ADAMTS9: variants seen among roughly 807,000 people sequenced by gnomAD.
ADAMTS9 encodes the protein ADAM metallopeptidase with thrombospondin type 1 motif 9.
Under a neutral mutation model 257.1 loss-of-function variants are expected in ADAMTS9, and 107 were observed. The ratio of observed to expected loss-of-function variants is 0.42; its 90% CI spans 0.36 to 0.49. ADAMTS9 has a LOEUF of 0.49. Among genes scored for constraint, ADAMTS9 ranks in the 20% least tolerant of loss-of-function variants. The probability of loss-of-function intolerance (pLI) is 0.03; values close to 1 mark genes in which losing one functional copy is unlikely to be tolerated. For missense variants in ADAMTS9, 2,353 were observed against 2,469.1 expected, an observed-to-expected ratio of 0.95 and a Z score of 1.00; for synonymous variants, 982 against 880.9, an observed-to-expected ratio of 1.11 and a Z score of -2.03.
At position 64,602,046 on chromosome 3, in the gene ADAMTS9, A is replaced by C. The variant is rs2084471810; in HGVS notation, c.3915T>G (p.Ala1305=). 7 of 1,613,900 alleles carry C rather than the reference A, an allele frequency of 4.3e-6. No homozygotes were observed. The East Asian group carries it at 1.6e-4, about 36-fold the overall frequency. Residue 1305 remains alanine (A), a synonymous_variant, in exon 26 of 40, where the codon GCT becomes GCG. Coordinates refer to ENST00000498707, the MANE Select transcript of ADAMTS9 (RefSeq NM_182920.2). ...CPQRTPDSGL[A]QHPFQNEDYR... is the part of the protein sequence containing the mutation. The stretch of plus-strand genomic sequence containing the variant: ...AGTCCTCATTTTGGAAGGGGTGCTG[A>C]GCTAAGCCACTGTCTGGGGTCCTTT...
rs1206310282 is a variant in ADAMTS9 at position 64,629,411 on chromosome 3, T to C, written c.2389+2044A>G. The stretch of plus-strand genomic sequence containing the variant: ...TGTATGACCTAGTCTTGTTTAACCT[T>C]ACCTAGGAGTGTCCTCTGTGCTCAC... On this transcript the variant is annotated intron_variant, in intron 16 of 39. Transcript: ENST00000498707. Among the ~76,000 whole-genome samples, 6 of 152,354 alleles carry C rather than the reference T, an allele frequency of 3.9e-5. No individual in the cohort carries two copies. In the East Asian group the frequency reaches 5.8e-4, roughly 15 times the overall value.
At chr3:64,566,810 T>C (rs6445412) in intron 29 of ADAMTS9, among the ~76,000 whole-genome samples, 1 of 151,232 alleles carries the variant, frequency 6.6e-6, no homozygotes, top group Non-Finnish European at 1.5e-5. Context: ...CTAATTAGCG[T>C]GGTATCTTAA....
rs200739198 is a variant in ADAMTS9 at position 64,649,715 on chromosome 3, T to G, written c.1527A>C (p.Gln509His). ...PESRPYPLPV[Q>H]LPGILYNVNK... ...TCACGTTGTAAAGGATGCCTGGCAG[T>G]TGGACAGGCAAAGGGTAGGGTCTGG... The change falls in exon 10 of 40, where the codon CAA (glutamine) becomes CAC (histidine). Residue 509 changes from glutamine to histidine, a missense_variant. By Grantham distance (24) the Gln-to-His change is conservative (BLOSUM62 0). Around this residue, in one of 3 missense-constraint regions of ADAMTS9, gnomAD observed 360 missense variants for 458.1 expected, o/e 0.79. Coordinates refer to ENST00000498707, the MANE Select transcript of ADAMTS9 (RefSeq NM_182920.2). The G allele has an allele frequency of 6.9e-5, 111 of 1,613,946 alleles. No individual in the cohort carries two copies. The highest frequency in any genetic ancestry group is 4.2e-4 in the Admixed American group (25 of 59,988).
At chr3:64,559,220 G>GT (rs2083382229) in intron 30 of ADAMTS9, among the ~76,000 whole-genome samples, 1 of 152,150 alleles carries the variant, frequency 6.6e-6, no homozygotes, top group African/African-American at 2.4e-5. Context: ...TTCACGCTCA[G>GT]TCTTGCTGCT....
At chr3:64,520,788 A>G (rs1277181117) in intron 39 of ADAMTS9, among the ~76,000 whole-genome samples, 1 of 152,220 alleles carries the variant, frequency 6.6e-6, no homozygotes, top group Non-Finnish European at 1.5e-5. Context: ...CCATATACAA[A>G]AAATAACTCA....
chr3:64,630,770 G>A (rs184141454), intron 16 of ADAMTS9, among the ~76,000 whole-genome samples: 146 of 152,228 alleles, frequency 9.6e-4, no homozygotes, highest in Non-Finnish European at 1.6e-3. Flanking sequence ...ATGTACTCCA[G>A]AACTTTAAGT....
At position 64,541,954 on chromosome 3, in the gene ADAMTS9, C is replaced by T. The variant is rs368652120; in HGVS notation, c.5081G>A (p.Gly1694Asp). The part of the protein sequence containing the change: ...GNWGSCSVSC[G>D]VGVMQRSVQC... ...CACAGATCTCTGCATCACTCCAACA[C>T]CACAAGACACTGAGCACTGTAAGAC... Residue 1694 changes from glycine to aspartate, a missense_variant, in exon 33 of 40, where the codon GGT becomes GAT. Gly to Asp is a moderately conservative substitution (Grantham distance 94). This residue lies in a region of ADAMTS9 where 1,402 missense variants were observed against 1,441.4 expected (regional missense o/e 0.97). Coordinates refer to ENST00000498707, the MANE Select transcript of ADAMTS9 (RefSeq NM_182920.2). 1.9e-6 allele frequency: 3 copies of T among 1,613,972 alleles called. No homozygotes were observed. Among genetic ancestry groups the T allele is most frequent in the African/African-American group, 1.3e-5 (1 of 74,906 alleles).
intron 6 of ADAMTS9, 105 bp downstream of exon 6, chr3:64,655,470 TA>T: frequency 1.1e-6 from 1 of 924,120 alleles, no homozygotes; most frequent in Non-Finnish European, 1.7e-6. Flanking sequence ...CAACAGTGCC[TA>T]AGCTGAGAAA....
intron 31 of ADAMTS9, among the ~76,000 whole-genome samples, chr3:64,547,767 T>C (rs2083221686): frequency 6.6e-6 from 1 of 152,110 alleles, no homozygotes; most frequent in Non-Finnish European, 1.5e-5. Context: ...TTATCCTAAG[T>C]CTATGGCATT....
chr3:64,531,682 G>C (rs1373519232), intron 38 of ADAMTS9, among the ~76,000 whole-genome samples: 1 of 152,114 alleles, frequency 6.6e-6, no homozygotes, highest in Non-Finnish European at 1.5e-5. Flanking sequence ...GCCCAGGCTG[G>C]TCTCGAACTC....
chr3:64,643,367 ATTAATT>A (rs1340178128), intron 11 of ADAMTS9, among the ~76,000 whole-genome samples: 1 of 151,958 alleles, frequency 6.6e-6, no homozygotes, highest in East Asian at 1.9e-4. Context: ...AAAAACTTAA[ATTAATT>A]TTAATATATT....
At chr3:64,679,272 T>A (rs1701696637) in intron 3 of ADAMTS9, among the ~76,000 whole-genome samples, 1 of 152,152 alleles carries the variant, frequency 6.6e-6, no homozygotes, top group Admixed American at 6.5e-5. Flanking sequence ...ATTAAGACTT[T>A]CTCTTTCTGC....
At chr3:64,554,562 T>C (rs775515097) in intron 30 of ADAMTS9, among the ~76,000 whole-genome samples, 1 of 152,220 alleles carries the variant, frequency 6.6e-6, no homozygotes, top group African/African-American at 2.4e-5. Context: ...TGATCTAGAA[T>C]GTTCTGAAAA....
chr3:64,642,196 G>C (rs73124226), intron 11 of ADAMTS9, among the ~76,000 whole-genome samples: 7,151 of 152,222 alleles, frequency 0.047, 266 homozygotes, highest in East Asian at 0.19. Flanking sequence ...TTCCTTTACA[G>C]CTTGCTTGAA....
At chr3:64,623,152 C>T (rs1165583312) in intron 16 of ADAMTS9, among the ~76,000 whole-genome samples, 2 of 152,120 alleles carry the variant, frequency 1.3e-5, no homozygotes, top group Non-Finnish European at 2.9e-5. Flanking sequence ...CCCCAACGAG[C>T]CTTGTGGCAT....
intron 39 of ADAMTS9, 135 bp downstream of exon 39, chr3:64,522,031 A>G (rs922462923): frequency 1.5e-6 from 1 of 675,760 alleles, no homozygotes; most frequent in Non-Finnish European, 2.5e-6. Flanking sequence ...GCAGGAGATA[A>G]AAAGGTAGAA....
chr3:64,520,166 C>G (rs1236528184), intron 39 of ADAMTS9, among the ~76,000 whole-genome samples: 1 of 151,966 alleles, frequency 6.6e-6, no homozygotes, highest in Non-Finnish European at 1.5e-5. Flanking sequence ...AAGCTGAGAA[C>G]CAAATCAAGA....
chr3:64,544,457 C>T (rs2083170492), intron 32 of ADAMTS9, among the ~76,000 whole-genome samples: 1 of 152,198 alleles, frequency 6.6e-6, no homozygotes, highest in African/African-American at 2.4e-5. Flanking sequence ...AGAAATAACA[C>T]CACACATCTA....
intron 28 of ADAMTS9, among the ~76,000 whole-genome samples, chr3:64,581,561 T>C (rs1251416652): frequency 6.6e-6 from 1 of 152,140 alleles, no homozygotes; most frequent in Non-Finnish European, 1.5e-5. Context: ...TTTCTCATTT[T>C]TTAGGGATTC....
Sources: gnomAD v4.1 joint callset for allele counts (sites outside exome capture counted in the v4.1 genomes callset) on GRCh38, gnomAD v4.1.1 for gene constraint, gnomAD v4.1.1 regional missense constraint, MANE v1.5 for transcripts, NCBI Gene and HGNC (gene_info 2026-07-23, HGNC 2026-07-21) for gene names.